Variants in COMMD1 observed in about 807,000 individuals in gnomAD.
The protein encoded by COMMD1 is copper metabolism domain containing 1.
A neutral mutation model predicts 17.2 loss-of-function variants in COMMD1; 10 were observed. That is an observed-to-expected ratio of 0.58 (90% CI 0.36 to 0.99). The LOEUF (loss-of-function observed/expected upper bound fraction) is 0.99. COMMD1 is among the 50% of genes least tolerant of loss of function. The pLI is 0.01. For synonymous variants in COMMD1, 97 were observed against 91.6 expected, an observed-to-expected ratio of 1.06 and a Z score of -0.34; for missense variants, 270 against 231.8, an observed-to-expected ratio of 1.17 and a Z score of -1.07.
intron 1 of COMMD1, among the ~76,000 whole-genome samples, chr2:61,926,080 C>G (rs1235353742): frequency 1.3e-5 from 2 of 152,058 alleles, no homozygotes; most frequent in Non-Finnish European, 2.9e-5. Flanking sequence ...ACGCCATTCT[C>G]CTGCCTCAGC....
rs146252130 is a variant in COMMD1 at position 62,030,021 on chromosome 2, A to C, written c.462+29039A>C. On this transcript the variant is annotated intron_variant, in intron 2 of 2. Transcript: ENST00000311832. ...TAGGTCCAGCAAAGTATGGACAGCC[A>C]TGTAGAAACATGATTGGACAAAAAG... Among the ~76,000 whole-genome samples, 755 of 152,398 alleles carry C rather than the reference A, an allele frequency of 5.0e-3. 8 individuals are homozygous for C. The highest frequency in any genetic ancestry group is 0.016 in the African/African-American group (677 of 41,600).
At chr2:62,078,561 A>T (rs1172463356) in intron 2 of COMMD1, among the ~76,000 whole-genome samples, 72 of 144,702 alleles carry the variant, frequency 5.0e-4, no homozygotes, top group African/African-American at 1.7e-3. Context: ...TCAAAAAAAA[A>T]AAAAAAAGAA....
intron 2 of COMMD1, among the ~76,000 whole-genome samples, chr2:62,058,156 T>C (rs908354018): frequency 6.6e-6 from 1 of 152,200 alleles, no homozygotes; most frequent in Non-Finnish European, 1.5e-5. Context: ...TATTGGTGAA[T>C]AGACCATGCA....
intron 2 of COMMD1, among the ~76,000 whole-genome samples, chr2:62,096,683 TAGC>T (rs1672019615): frequency 6.6e-6 from 1 of 152,250 alleles, no homozygotes; most frequent in African/African-American, 2.4e-5. Context: ...AAGGTCGTAA[TAGC>T]AGAGATTCTC....
intron 2 of COMMD1, among the ~76,000 whole-genome samples, chr2:62,052,503 A>G (rs1313017429): frequency 6.6e-6 from 1 of 152,160 alleles, no homozygotes; most frequent in African/African-American, 2.4e-5. Flanking sequence ...CCAAGACACC[A>G]TTATATCCAC....
intron 2 of COMMD1, among the ~76,000 whole-genome samples, chr2:62,003,222 C>T (rs372535502): frequency 4.9e-5 from 7 of 142,058 alleles, no homozygotes; most frequent in African/African-American, 1.1e-4. Context: ...AACAGTGAGG[C>T]GCTGTCTCAA....
intron 2 of COMMD1, among the ~76,000 whole-genome samples, chr2:62,058,692 T>G (rs1670775634): frequency 6.6e-6 from 1 of 152,064 alleles, no homozygotes. Context: ...TGAGCCATTA[T>G]CGTGCTACTA....
chr2:61,888,451 G>A (rs988751096), upstream of COMMD1: 1 of 1,611,014 alleles, frequency 6.2e-7, no homozygotes, highest in African/African-American at 1.3e-5. Flanking sequence ...CGCCTTTCCC[G>A]CGGCCGCCGG....
chr2:61,942,270 A>C (rs977299459), intron 1 of COMMD1, among the ~76,000 whole-genome samples: 8 of 151,640 alleles, frequency 5.3e-5, no homozygotes, highest in Non-Finnish European at 1.0e-4. Flanking sequence ...CGGCCAGCTA[A>C]TTTTTGTATT....
chr2:62,043,084 C>G (rs1433850594), intron 2 of COMMD1, among the ~76,000 whole-genome samples: 1 of 152,152 alleles, frequency 6.6e-6, no homozygotes, highest in Non-Finnish European at 1.5e-5. Flanking sequence ...TTCAAAGATG[C>G]CAAGTCCTAT....
chr2:61,959,286 T>G (rs1671278841), intron 1 of COMMD1, among the ~76,000 whole-genome samples: 1 of 152,180 alleles, frequency 6.6e-6, no homozygotes, highest in African/African-American at 2.4e-5. Context: ...TTGTAAAGAT[T>G]ATCAGGAAAG....
At chr2:61,922,594 G>C (rs1465387656) in intron 1 of COMMD1, among the ~76,000 whole-genome samples, 1 of 152,170 alleles carries the variant, frequency 6.6e-6, no homozygotes, top group African/African-American at 2.4e-5. Context: ...GGGATTACAG[G>C]TGTGAGCCAC....
At chr2:61,907,889 C>T (rs1309383429) in intron 1 of COMMD1, among the ~76,000 whole-genome samples, 1 of 152,098 alleles carries the variant, frequency 6.6e-6, no homozygotes, top group Non-Finnish European at 1.5e-5. Flanking sequence ...CAGGGTTTCA[C>T]CATGTTGGCC....
At chr2:62,067,432 C>T (rs1369790498) in intron 2 of COMMD1, among the ~76,000 whole-genome samples, 1 of 152,034 alleles carries the variant, frequency 6.6e-6, no homozygotes, top group Non-Finnish European at 1.5e-5. Context: ...ACATTATTTT[C>T]CCCAAGCCCC....
intron 2 of COMMD1, among the ~76,000 whole-genome samples, chr2:62,055,933 T>C (rs890446822): frequency 2.0e-5 from 3 of 152,258 alleles, no homozygotes; most frequent in African/African-American, 7.2e-5. Flanking sequence ...ATGCTTGTTT[T>C]TGTGCACTGT....
intron 1 of COMMD1, among the ~76,000 whole-genome samples, chr2:61,965,132 T>A (rs939429424): frequency 2.6e-5 from 4 of 152,116 alleles, no homozygotes; most frequent in Admixed American, 6.5e-5. Context: ...CTTTAGAGTG[T>A]TTAAGATCTA....
intron 2 of COMMD1, among the ~76,000 whole-genome samples, chr2:62,056,669 C>T (rs974094593): frequency 2.6e-5 from 4 of 152,196 alleles, no homozygotes; most frequent in African/African-American, 4.8e-5. Context: ...CCAAGGCCTT[C>T]TTTCTCCCAG....
intron 1 of COMMD1, among the ~76,000 whole-genome samples, chr2:61,991,736 G>T (rs1672257578): frequency 6.6e-6 from 1 of 152,144 alleles, no homozygotes; most frequent in Non-Finnish European, 1.5e-5. Context: ...GCATCATATT[G>T]GGATTGCTAG....
intron 2 of COMMD1, among the ~76,000 whole-genome samples, chr2:62,059,097 T>C (rs1670787101): frequency 6.6e-6 from 1 of 152,270 alleles, no homozygotes; most frequent in East Asian, 1.9e-4. Context: ...CTTCTTAAGG[T>C]TGAAGCTTTA....
Sources: allele counts gnomAD v4.1 joint callset (sites outside exome capture counted in the v4.1 genomes callset), GRCh38; gene constraint gnomAD v4.1.1; transcripts MANE v1.5; gene names NCBI Gene and HGNC (gene_info 2026-07-23, HGNC 2026-07-21).